The following ARHGAP15 variants were observed in gnomAD, a reference collection of about 807,000 sequenced individuals.
ARHGAP15 encodes Rho GTPase activating protein 15.
In ARHGAP15, 51 loss-of-function variants were observed where a neutral mutation model predicts 63.7. The ratio of observed to expected loss-of-function variants is 0.80; its 90% CI spans 0.64 to 1.01. The LOEUF (loss-of-function observed/expected upper bound fraction) is 1.01, where lower values mean the gene tolerates loss of function less well. ARHGAP15 is among the 50% of genes least tolerant of loss of function. ARHGAP15 has a pLI of 0.00. For missense variants in ARHGAP15, 560 were observed against 564.6 expected, an observed-to-expected ratio of 0.99 and a Z score of 0.08; for synonymous variants, 191 against 193.8, an observed-to-expected ratio of 0.99 and a Z score of 0.12.
chr2:143,155,635 G>A lies in ARHGAP15; in HGVS notation c.145G>A (p.Val49Ile), dbSNP rs1327067252. ...AAGTAAATCCATGATCCTCACCGAT[G>A]TCGGGAAGGTCACTGAACCTGTAAG... is the stretch of plus-strand genomic sequence containing the variant. ...SQSKSMILTD[V>I]GKVTEPISRH... Residue 49 changes from valine (V) to isoleucine (I), a missense_variant, in exon 2 of 14, where the codon GTC (valine) becomes ATC (isoleucine). By Grantham distance (29) the Val-to-Ile change is conservative. Coordinates refer to ENST00000295095, the MANE Select transcript of ARHGAP15 (RefSeq NM_018460.4). 7 of 1,574,760 alleles carry A rather than the reference G, an allele frequency of 4.4e-6. No individual in the cohort carries two copies. The highest frequency in any genetic ancestry group is 1.4e-5 in the African/African-American group (1 of 72,180).
chr2:143,536,053 G>A (rs1044836206), intron 10 of ARHGAP15, among the ~76,000 whole-genome samples: 15 of 152,040 alleles, frequency 9.9e-5, no homozygotes, highest in African/African-American at 3.1e-4. Flanking sequence ...ATAGATGAGA[G>A]CACTTAACAT....
chr2:143,658,833 T>G (rs1414195791), intron 12 of ARHGAP15, among the ~76,000 whole-genome samples: 1 of 152,232 alleles, frequency 6.6e-6, no homozygotes, highest in Non-Finnish European at 1.5e-5. Flanking sequence ...TTCTATCACG[T>G]GCCCATTTCT....
intron 6 of ARHGAP15, among the ~76,000 whole-genome samples, chr2:143,344,938 G>A (rs752126402): frequency 1.1e-4 from 16 of 152,038 alleles, no homozygotes; most frequent in African/African-American, 2.7e-4. Context: ...TTAAGCGGTC[G>A]GAAAATCATT....
intron 11 of ARHGAP15, among the ~76,000 whole-genome samples, chr2:143,601,018 A>G (rs1007132788): frequency 2.0e-5 from 3 of 152,302 alleles, no homozygotes; most frequent in East Asian, 1.9e-4. Flanking sequence ...GTCACAGGCC[A>G]TGGTTTGCTA....
intron 8 of ARHGAP15, among the ~76,000 whole-genome samples, chr2:143,483,223 A>G (rs1374071050): frequency 6.6e-6 from 1 of 152,232 alleles, no homozygotes; most frequent in South Asian, 2.1e-4. Flanking sequence ...ATATCTCTCT[A>G]ATTAAGAATA....
chr2:143,142,989 G>A, intron 1 of ARHGAP15, among the ~76,000 whole-genome samples: 1 of 152,056 alleles, frequency 6.6e-6, no homozygotes, highest in East Asian at 1.9e-4. Flanking sequence ...ACTTTAATGT[G>A]TCCAAGCAAA....
intron 6 of ARHGAP15, among the ~76,000 whole-genome samples, chr2:143,370,033 G>C (rs1686473676): frequency 1.3e-5 from 2 of 152,148 alleles, no homozygotes; most frequent in African/African-American, 4.8e-5. Context: ...TTTTGGGACA[G>C]TAAGAAGTAG....
intron 6 of ARHGAP15, among the ~76,000 whole-genome samples, chr2:143,348,805 C>T (rs1685421390): frequency 6.6e-6 from 1 of 152,140 alleles, no homozygotes; most frequent in African/African-American, 2.4e-5. Flanking sequence ...CCTGTCATTT[C>T]AATACTGATC....
chr2:143,301,666 G>C (rs540523166), intron 6 of ARHGAP15, among the ~76,000 whole-genome samples: 35 of 151,866 alleles, frequency 2.3e-4, no homozygotes, highest in Non-Finnish European at 4.7e-4. Context: ...TAATATTTCA[G>C]TGAATGTGTG....
chr2:143,319,823 A>T (rs1011546445), intron 6 of ARHGAP15, among the ~76,000 whole-genome samples: 1 of 152,206 alleles, frequency 6.6e-6, no homozygotes, highest in African/African-American at 2.4e-5. Context: ...GTGGAGAGCT[A>T]AATATATAAC....
chr2:143,370,018 A>G (rs1163210469), intron 6 of ARHGAP15, among the ~76,000 whole-genome samples: 2 of 152,146 alleles, frequency 1.3e-5, no homozygotes, highest in Non-Finnish European at 2.9e-5. Context: ...GCAACATCAC[A>G]ATCATTTTGG....
intron 6 of ARHGAP15, among the ~76,000 whole-genome samples, chr2:143,382,168 A>C (rs1687087871): frequency 6.7e-6 from 1 of 148,176 alleles, no homozygotes; most frequent in Non-Finnish European, 1.5e-5. Flanking sequence ...CACCAGCCTC[A>C]GTGTCACTAG....
intron 8 of ARHGAP15, among the ~76,000 whole-genome samples, chr2:143,473,938 G>A (rs912224159): frequency 6.6e-6 from 1 of 152,094 alleles, no homozygotes; most frequent in Non-Finnish European, 1.5e-5. Context: ...ATTTTGTGAA[G>A]AGTAAACAAG....
At chr2:143,158,978 C>T (rs1690187704) in intron 2 of ARHGAP15, among the ~76,000 whole-genome samples, 1 of 151,890 alleles carries the variant, frequency 6.6e-6, no homozygotes, top group Non-Finnish European at 1.5e-5. Context: ...GTTTAAATAG[C>T]CCGAATCAGG....
intron 13 of ARHGAP15, among the ~76,000 whole-genome samples, chr2:143,734,562 A>T (rs144970276): frequency 6.6e-6 from 1 of 152,222 alleles, no homozygotes; most frequent in African/African-American, 2.4e-5. Flanking sequence ...GCTTTCAAAT[A>T]CAAGAAACAG....
intron 10 of ARHGAP15, among the ~76,000 whole-genome samples, chr2:143,551,163 C>A (rs1481789296): frequency 6.6e-6 from 1 of 152,086 alleles, no homozygotes; most frequent in East Asian, 1.9e-4. Flanking sequence ...TAGAACTTTT[C>A]TTTTCGAGAC....
At chr2:143,188,396 T>C (rs1259162882) in intron 2 of ARHGAP15, among the ~76,000 whole-genome samples, 1 of 151,828 alleles carries the variant, frequency 6.6e-6, no homozygotes, top group Non-Finnish European at 1.5e-5. Flanking sequence ...TTTCCAAAAA[T>C]ATCAACAAAA....
At chr2:143,692,210 GGGCAGGGA>G (rs1683637279) in intron 12 of ARHGAP15, among the ~76,000 whole-genome samples, 1 of 152,130 alleles carries the variant, frequency 6.6e-6, no homozygotes. Flanking sequence ...TGGGGCAGGG[GGGCAGGGA>G]GGGTAGGGTT....
chr2:143,310,283 TGACA>T (rs1452812091), intron 6 of ARHGAP15, among the ~76,000 whole-genome samples: 4 of 152,106 alleles, frequency 2.6e-5, no homozygotes, highest in Admixed American at 2.6e-4. Context: ...CAATAAAAGC[TGACA>T]TTTTTGCAAG....
Sources: allele counts gnomAD v4.1 joint callset (sites outside exome capture counted in the v4.1 genomes callset), GRCh38; gene constraint gnomAD v4.1.1; transcripts MANE v1.5; gene names NCBI Gene and HGNC (gene_info 2026-07-23, HGNC 2026-07-21).